The following CUX1 variants were observed in gnomAD, a reference collection of about 807,000 sequenced individuals.
The protein encoded by CUX1 is protein CASP.
Under a neutral mutation model 158.8 loss-of-function variants are expected in CUX1, and 31 were observed. The ratio of observed to expected loss-of-function variants is 0.20; its 90% CI spans 0.15 to 0.26. CUX1 has a LOEUF of 0.26. Ranked by LOEUF, CUX1 falls within the 10% of genes least tolerant of loss-of-function variation. The probability of loss-of-function intolerance (pLI) is 1.00; values close to 1 mark genes in which losing one functional copy is unlikely to be tolerated. For synonymous variants in CUX1, 879 were observed against 862.1 expected (o/e 1.02, Z -0.34); for missense variants, 1,589 against 2,014.6 (o/e 0.79, Z 4.04).
At chr7:102,241,992 G>A (rs146727566) in intron 23 of CUX1, among the ~76,000 whole-genome samples, 1 of 152,294 alleles carries the variant, frequency 6.6e-6, no homozygotes, top group Non-Finnish European at 1.5e-5. Flanking sequence ...TCCAGGAGCT[G>A]CACAGCCAGT....
At chr7:102,131,733 C>T (rs1446398253) in intron 8 of CUX1, among the ~76,000 whole-genome samples, 2 of 150,288 alleles carry the variant, frequency 1.3e-5, no homozygotes, top group African/African-American at 2.5e-5. Context: ...AGTGCAGTGG[C>T]GTGATCTTGG....
intron 1 of CUX1, among the ~76,000 whole-genome samples, chr7:101,900,962 G>A (rs1023139331): frequency 6.6e-6 from 1 of 152,098 alleles, no homozygotes; most frequent in Admixed American, 6.5e-5. Context: ...CTATCTCTCT[G>A]GAACTTTTTT....
chr7:102,254,466 C>T lies in CUX1; in HGVS notation c.*5424C>T, dbSNP rs144082854. ...CACGCCCCGTCCACAGTGGCATCAC[C>T]CTCTTATCCCAAAAGAATATGCCAG... On this transcript the variant is annotated 3_prime_UTR_variant, in exon 24 of 24. Transcript: ENST00000292535. 1.6e-5 allele frequency: 16 copies of T among 985,482 alleles called. No individual in the cohort carries two copies. The East Asian group carries it at 1.4e-3, about 84-fold the overall frequency. 61.0% of individuals were successfully genotyped at this position (985,482 alleles called of 1,614,324 possible).
chr7:101,859,639 T>C (rs1365315702), intron 1 of CUX1, among the ~76,000 whole-genome samples: 1 of 152,200 alleles, frequency 6.6e-6, no homozygotes, highest in Non-Finnish European at 1.5e-5. Context: ...AGAATGCTGA[T>C]TTAATGATCT....
intron 8 of CUX1, among the ~76,000 whole-genome samples, chr7:102,140,485 A>G (rs1325273193): frequency 2.0e-5 from 3 of 151,072 alleles, no homozygotes; most frequent in Non-Finnish European, 4.4e-5. Flanking sequence ...AACTCAGGCA[A>G]TCCACCTGCC....
chr7:102,059,929 G>A (rs753741402), intron 3 of CUX1, among the ~76,000 whole-genome samples: 1 of 152,060 alleles, frequency 6.6e-6, no homozygotes, highest in East Asian at 1.9e-4. Flanking sequence ...AACTCCCAGG[G>A]CATAGAGGCT....
At chr7:102,233,031 G>A (rs1554531328) in intron 21 of CUX1, among the ~76,000 whole-genome samples, 1 of 152,110 alleles carries the variant, frequency 6.6e-6, no homozygotes. Context: ...AGGAGACGCA[G>A]GTTGCCCTCT....
intron 4 of CUX1, among the ~76,000 whole-genome samples, chr7:102,072,845 G>A (rs570411393): frequency 1.3e-5 from 2 of 152,322 alleles, no homozygotes; most frequent in African/African-American, 4.8e-5. Context: ...ACTATGTCAT[G>A]TCCATACTGA....
At position 102,201,283 on chromosome 7, in the gene CUX1, T is replaced by A. The variant is rs994891672; in HGVS notation, c.2063-77T>A. Reference sequence around the variant, plus strand: ...CAAATAACCCACACTTTGCAGTAGGTCAAGTTAGGATGAGAAGCATGTCCC... The same window carrying A: ...CAAATAACCCACACTTTGCAGTAGGACAAGTTAGGATGAGAAGCATGTCCC... On this transcript the variant is annotated intron_variant, in intron 17 of 23. Coordinates refer to ENST00000292535, the MANE Select transcript of CUX1 (RefSeq NM_181552.4). The surrounding 1 kb of genome is among the most constrained non-coding windows in gnomAD (Gnocchi z 5.0). The A allele has an allele frequency of 6.4e-7, 1 of 1,553,992 alleles. No individual in the cohort carries two copies. Among genetic ancestry groups the A allele is most frequent in the Non-Finnish European group, 8.7e-7 (1 of 1,150,108 alleles).
chr7:102,107,892 G>T (rs1563253357), intron 6 of CUX1, among the ~76,000 whole-genome samples: 2 of 152,250 alleles, frequency 1.3e-5, no homozygotes, highest in Non-Finnish European at 2.9e-5. Flanking sequence ...TCTGCAGGTG[G>T]AGGCCGCATC....
rs1834892186 is a variant in CUX1, at chr7:102,145,131, G to A, written c.675-13429G>A. On this transcript the variant is annotated intron_variant, in intron 8 of 23. Coordinates refer to ENST00000292535, the MANE Select transcript of CUX1 (RefSeq NM_181552.4). ...AAAATTTGAATCTCGATTCAAGTAAGATCCACACGTTGCAGTTGGCTGGTG... is the reference window on the plus strand; with the variant it reads ...AAAATTTGAATCTCGATTCAAGTAAAATCCACACGTTGCAGTTGGCTGGTG... Among the ~76,000 whole-genome samples the A allele has an allele frequency of 5.3e-5, 8 of 149,838 alleles. No homozygotes were observed. The Admixed American group carries it at 5.3e-4, about 10-fold the overall frequency.
Position 102,170,471 on chromosome 7 carries a change from C to CGGA in CUX1, c.751_753dup (p.Glu251dup). ...AGGGCAGAGGTGGCTCAGAGAGAGGCGGAGACCTTAAGGGAACAGCTCTCA... is the reference window on the plus strand; with the variant it reads ...AGGGCAGAGGTGGCTCAGAGAGAGGCGGAGGAGACCTTAAGGGAACAGCTCTCA... On this transcript the variant is annotated inframe_insertion, in exon 10 of 24. Transcript: ENST00000292535. 6.3e-7 allele frequency: 1 copy of CGGA among 1,590,274 alleles called. No homozygotes were observed. The highest frequency in any genetic ancestry group is 1.2e-5 in the South Asian group (1 of 86,944).
intron 6 of CUX1, among the ~76,000 whole-genome samples, chr7:102,108,771 T>TGTGTG (rs1554489271): frequency 2.0e-5 from 3 of 151,224 alleles, no homozygotes; most frequent in Non-Finnish European, 2.9e-5. Context: ...TGTGTGTGTG[T>TGTGTG]TTTGAGACAA....
chr7:102,154,719 T>G (rs1554504613), intron 8 of CUX1, among the ~76,000 whole-genome samples: 1 of 151,848 alleles, frequency 6.6e-6, no homozygotes, highest in Non-Finnish European at 1.5e-5. Context: ...AAAAGAAAAG[T>G]TAAATGACAT....
chr7:102,046,650 C>A (rs1246424531), intron 3 of CUX1, among the ~76,000 whole-genome samples: 1 of 146,988 alleles, frequency 6.8e-6, no homozygotes, highest in Non-Finnish European at 1.5e-5. Flanking sequence ...GATCACAGCT[C>A]ACTGCAGCCT....
intron 1 of CUX1, among the ~76,000 whole-genome samples, chr7:101,843,039 G>T (rs997878656): frequency 6.6e-6 from 1 of 151,336 alleles, no homozygotes; most frequent in East Asian, 1.9e-4. Flanking sequence ...CTAATTTTTT[G>T]TATTTTTTAG....
intron 14 of CUX1, 96 bp downstream of exon 14, chr7:102,195,699 A>G: frequency 2.7e-6 from 3 of 1,114,440 alleles, no homozygotes; most frequent in South Asian, 3.1e-5. Flanking sequence ...GGACAGATGC[A>G]TGGCCAGAGA....
At chr7:102,231,422 A>G (rs146403160) in intron 21 of CUX1, among the ~76,000 whole-genome samples, 11 of 151,694 alleles carry the variant, frequency 7.3e-5, no homozygotes, top group Non-Finnish European at 1.0e-4. Flanking sequence ...TGCCACCATC[A>G]TTGCTGGAGT....
At chr7:102,070,503 C>G (rs1826008967) in intron 4 of CUX1, 86 bp downstream of exon 4, 16 of 1,020,426 alleles carry the variant, frequency 1.6e-5, no homozygotes, top group South Asian at 1.5e-4. Context: ...CTTGGCTTTC[C>G]TAAGGAAAAT....
Sources: allele counts gnomAD v4.1 joint callset (sites outside exome capture counted in the v4.1 genomes callset), GRCh38; gene constraint gnomAD v4.1.1; non-coding constraint Gnocchi (gnomAD v3.1); transcripts MANE v1.5; gene names NCBI Gene and HGNC (gene_info 2026-07-23, HGNC 2026-07-21).